CTNND2: variants seen among roughly 807,000 people sequenced by gnomAD.
CTNND2 encodes the protein catenin delta-2.
In CTNND2, 22 loss-of-function variants were observed where a neutral mutation model predicts 144.4. The ratio of observed to expected loss-of-function variants is 0.15; its 90% CI spans 0.11 to 0.22. The LOEUF (loss-of-function observed/expected upper bound fraction) is 0.22. CTNND2 is among the 10% of genes least tolerant of loss of function. The probability of loss-of-function intolerance (pLI) is 1.00; values close to 1 mark genes in which losing one functional copy is unlikely to be tolerated. For missense variants in CTNND2, 1,353 were observed against 1,618.8 expected (o/e 0.84, Z 2.82); for synonymous variants, 751 against 695.6 (o/e 1.08, Z -1.25).
chr5:11,624,859 C>T (rs1474023449), intron 2 of CTNND2, among the ~76,000 whole-genome samples: 2 of 151,870 alleles, frequency 1.3e-5, no homozygotes, highest in East Asian at 3.9e-4. Context: ...ACATTTATTC[C>T]ATATATATTT....
At chr5:11,785,547 G>A (rs1266287600) in intron 1 of CTNND2, among the ~76,000 whole-genome samples, 1 of 152,066 alleles carries the variant, frequency 6.6e-6, no homozygotes, top group African/African-American at 2.4e-5. Context: ...AACACAGTAG[G>A]AAGCAAGCAT....
At chr5:11,033,780 A>G (rs530574419) in intron 16 of CTNND2, among the ~76,000 whole-genome samples, 49 of 152,320 alleles carry the variant, frequency 3.2e-4, no homozygotes, top group Non-Finnish European at 6.0e-4. Context: ...CAGTGAGCTG[A>G]GATCATGCCA....
chr5:11,812,818 A>T (rs984911473), intron 1 of CTNND2, among the ~76,000 whole-genome samples: 1 of 152,042 alleles, frequency 6.6e-6, no homozygotes, highest in Non-Finnish European at 1.5e-5. Flanking sequence ...GGAACCACAC[A>T]AAAAAAGTTA....
At chr5:11,518,218 T>C (rs56341838) in intron 3 of CTNND2, among the ~76,000 whole-genome samples, 1,755 of 152,306 alleles carry the variant, frequency 0.012, 17 homozygotes, top group Middle Eastern at 0.024. Flanking sequence ...CCTAGGCTAA[T>C]AGGTGTGCTT....
intron 1 of CTNND2, among the ~76,000 whole-genome samples, chr5:11,781,146 T>C (rs1790522000): frequency 6.6e-6 from 1 of 152,086 alleles, no homozygotes; most frequent in Admixed American, 6.5e-5. Context: ...TGCCAGTCAC[T>C]AGGGGTTTGG....
chr5:11,483,926 G>C (rs946376433), intron 3 of CTNND2, among the ~76,000 whole-genome samples: 2 of 152,210 alleles, frequency 1.3e-5, no homozygotes, highest in African/African-American at 4.8e-5. Flanking sequence ...GATTGGGATA[G>C]ACAAGTGACT....
Position 11,072,189 on chromosome 5 carries a change from G to GT in CTNND2, c.2788+10506dup, listed in dbSNP as rs1748398321. ...CTCAAGGTGAGGACCACAGGGATTTGTATCTTTTGATCTCTCTTGAGCACT... is the reference window on the plus strand; with the variant it reads ...CTCAAGGTGAGGACCACAGGGATTTGTTATCTTTTGATCTCTCTTGAGCACT... On this transcript the variant is annotated intron_variant, in intron 16 of 21. Transcript: ENST00000304623. Among the ~76,000 whole-genome samples, 8 of 152,202 alleles carry GT rather than the reference G, an allele frequency of 5.3e-5. No individual in the cohort carries two copies. The South Asian group carries it at 1.2e-3, about 24-fold the overall frequency.
intron 3 of CTNND2, among the ~76,000 whole-genome samples, chr5:11,503,704 T>A (rs780829666): frequency 6.6e-6 from 1 of 152,218 alleles, no homozygotes; most frequent in Non-Finnish European, 1.5e-5. Context: ...AAGAGCACCA[T>A]GAATTTTGCC....
At chr5:11,101,925 T>C (rs1338726198) in intron 14 of CTNND2, among the ~76,000 whole-genome samples, 1 of 86,564 alleles carries the variant, frequency 1.2e-5, no homozygotes, top group African/African-American at 4.8e-5. Context: ...GTGTGTGTGT[T>C]TACATCTTCA....
chr5:11,375,845 G>A (rs1757874317), intron 7 of CTNND2, among the ~76,000 whole-genome samples: 1 of 152,170 alleles, frequency 6.6e-6, no homozygotes, highest in Non-Finnish European at 1.5e-5. Flanking sequence ...CAAGTTGGGG[G>A]AAAGGGGACT....
intron 3 of CTNND2, among the ~76,000 whole-genome samples, chr5:11,552,703 C>T (rs79473673): frequency 0.033 from 5,015 of 152,268 alleles, 294 homozygotes; most frequent in African/African-American, 0.11. Flanking sequence ...ACCCCCCTTC[C>T]TTTTCCATCC....
intron 9 of CTNND2, among the ~76,000 whole-genome samples, chr5:11,297,564 CTAAA>C (rs1749151430): frequency 2.0e-5 from 3 of 152,174 alleles, no homozygotes; most frequent in African/African-American, 7.2e-5. Context: ...GATCATAACT[CTAAA>C]TGAATACTTA....
intron 1 of CTNND2, among the ~76,000 whole-genome samples, chr5:11,806,567 G>C (rs1792012070): frequency 6.6e-6 from 1 of 152,064 alleles, no homozygotes; most frequent in Admixed American, 6.6e-5. Context: ...TTCATTTCCT[G>C]AGCCAGCCAT....
intron 2 of CTNND2, among the ~76,000 whole-genome samples, chr5:11,684,980 T>C (rs1784578449): frequency 6.6e-6 from 1 of 152,250 alleles, no homozygotes; most frequent in South Asian, 2.1e-4. Flanking sequence ...ATCATTGCCG[T>C]GAAATCATTA....
At chr5:11,528,412 A>C (rs1321165339) in intron 3 of CTNND2, among the ~76,000 whole-genome samples, 1 of 152,132 alleles carries the variant, frequency 6.6e-6, no homozygotes, top group African/African-American at 2.4e-5. Context: ...CCAGTAGTTC[A>C]CATAAAAAAA....
chr5:11,135,514 A>G (rs1352645906), intron 12 of CTNND2, among the ~76,000 whole-genome samples: 6 of 152,326 alleles, frequency 3.9e-5, no homozygotes, highest in African/African-American at 1.2e-4. Context: ...ACAAATGTAC[A>G]TCGGTAGATT....
chr5:11,641,643 T>C (rs566285940), intron 2 of CTNND2, among the ~76,000 whole-genome samples: 75 of 144,900 alleles, frequency 5.2e-4, no homozygotes, highest in Non-Finnish European at 7.4e-4. Flanking sequence ...TGTGTGTATA[T>C]ACATATACGT....
chr5:11,728,564 T>C (rs560786344), intron 2 of CTNND2, among the ~76,000 whole-genome samples: 1 of 152,202 alleles, frequency 6.6e-6, no homozygotes, highest in Non-Finnish European at 1.5e-5. Flanking sequence ...AGGAAGAGAA[T>C]GTCTGTTTTG....
chr5:11,537,729 A>G (rs1466261164), intron 3 of CTNND2, among the ~76,000 whole-genome samples: 1 of 152,230 alleles, frequency 6.6e-6, no homozygotes, highest in Non-Finnish European at 1.5e-5. Context: ...AGAAAGCAGC[A>G]TATATATTTA....
Sources: gnomAD v4.1 joint callset for allele counts (sites outside exome capture counted in the v4.1 genomes callset) on GRCh38, gnomAD v4.1.1 for gene constraint, MANE v1.5 for transcripts, NCBI Gene and HGNC (gene_info 2026-07-23, HGNC 2026-07-21) for gene names.